LHCGR: variants seen among roughly 807,000 people sequenced by gnomAD.
LHCGR encodes luteinizing hormone/choriogonadotropin receptor.
A neutral mutation model predicts 60.7 loss-of-function variants in LHCGR; 55 were observed. The observed-to-expected ratio is 0.91, with a 90% CI of 0.73 to 1.13. The LOEUF (loss-of-function observed/expected upper bound fraction) is 1.13, where lower values mean the gene tolerates loss of function less well. LHCGR is among the 50% of genes most tolerant of loss of function. The pLI is 0.00. For synonymous variants in LHCGR, 337 were observed against 316.5 expected, an observed-to-expected ratio of 1.06 and a Z score of -0.69; for missense variants, 862 against 836.0, an observed-to-expected ratio of 1.03 and a Z score of -0.38.
intron 7 of LHCGR, among the ~76,000 whole-genome samples, chr2:48,711,473 T>A (rs748743945): frequency 6.6e-6 from 1 of 152,198 alleles, no homozygotes; most frequent in Non-Finnish European, 1.5e-5. Flanking sequence ...AACTGACTCA[T>A]GTTCTTGATT....
rs193031451 is a variant in LHCGR, at chr2:48,713,818, G to A, written c.605+168C>T. On this transcript the variant is annotated intron_variant, in intron 7 of 10. Coordinates refer to ENST00000294954, the MANE Select transcript of LHCGR (RefSeq NM_000233.4). ...TCTGTCTTTGAAATCAGGGTGCTCT[G>A]GGGTTTCTAGCCAGCCAGTTGCCTA... Among the ~76,000 whole-genome samples the A allele has an allele frequency of 3.9e-4, 59 of 152,244 alleles. No individual in the cohort carries two copies. In the South Asian group the frequency reaches 0.011, roughly 29 times the overall value.
chr2:48,696,757 G>A (rs1436922352), intron 9 of LHCGR, among the ~76,000 whole-genome samples: 1 of 152,164 alleles, frequency 6.6e-6, no homozygotes, highest in East Asian at 1.9e-4. Flanking sequence ...ATACTTATGA[G>A]ACAATTCCTT....
chr2:48,732,462 C>A (rs1404905923), intron 1 of LHCGR, among the ~76,000 whole-genome samples: 2 of 152,212 alleles, frequency 1.3e-5, no homozygotes, highest in East Asian at 3.9e-4. Context: ...TTGTAAGCTA[C>A]TATGTGAGTT....
At chr2:48,729,355 A>T (rs1031386306) in intron 2 of LHCGR, 128 bp from the exon 3 acceptor site, 2 of 763,062 alleles carry the variant, frequency 2.6e-6, no homozygotes, top group Non-Finnish European at 2.3e-6. Context: ...AAGAACAAAG[A>T]TGTGCAAGTT....
intron 8 of LHCGR, among the ~76,000 whole-genome samples, chr2:48,704,906 C>T (rs892219956): frequency 2.6e-5 from 4 of 152,066 alleles, no homozygotes; most frequent in African/African-American, 7.2e-5. Context: ...CTGCTCTGAT[C>T]CTAGTTATTT....
At chr2:48,737,301 T>C (rs959464976) in intron 1 of LHCGR, among the ~76,000 whole-genome samples, 9 of 152,226 alleles carry the variant, frequency 5.9e-5, no homozygotes, top group Non-Finnish European at 1.2e-4. Context: ...TCTAAAACAC[T>C]ACAAAATCAG....
At chr2:48,710,150 A>T (rs943362936) in intron 7 of LHCGR, among the ~76,000 whole-genome samples, 1 of 152,122 alleles carries the variant, frequency 6.6e-6, no homozygotes, top group Non-Finnish European at 1.5e-5. Context: ...CATTTCTACT[A>T]AGCATTTTCT....
intron 8 of LHCGR, among the ~76,000 whole-genome samples, chr2:48,701,155 C>G (rs1172984715): frequency 6.6e-6 from 1 of 152,100 alleles, no homozygotes; most frequent in East Asian, 1.9e-4. Flanking sequence ...AGGAAGTAGA[C>G]AGACTTTGGG....
chr2:48,714,795 A>G (rs576834399), intron 6 of LHCGR, among the ~76,000 whole-genome samples: 17 of 152,254 alleles, frequency 1.1e-4, no homozygotes, highest in Admixed American at 6.5e-4. Context: ...AGAATAAGAC[A>G]TAAGAGGATC....
chr2:48,736,658 C>T (rs895429787), intron 1 of LHCGR, among the ~76,000 whole-genome samples: 2 of 152,048 alleles, frequency 1.3e-5, no homozygotes, highest in Non-Finnish European at 2.9e-5. Flanking sequence ...AGTAATGTTA[C>T]CTGGAGAGCT....
chr2:48,749,360 G>A (rs1669852456), intron 1 of LHCGR, among the ~76,000 whole-genome samples: 2 of 152,170 alleles, frequency 1.3e-5, no homozygotes, highest in South Asian at 2.1e-4. Context: ...AAAAAGCTGG[G>A]TGGGAATTTG....
intron 8 of LHCGR, among the ~76,000 whole-genome samples, chr2:48,706,438 C>T (rs1667677732): frequency 6.6e-6 from 1 of 152,156 alleles, no homozygotes; most frequent in African/African-American, 2.4e-5. Flanking sequence ...TGAATGTTGG[C>T]CTGCCTTGCT....
chr2:48,688,651 A>G lies in LHCGR; in HGVS notation c.1146T>C (p.Phe382=). 6.2e-7 allele frequency: 1 copy of G among 1,614,208 alleles called. No individual in the cohort carries two copies. Among genetic ancestry groups the G allele is most frequent in the Non-Finnish European group, 8.5e-7 (1 of 1,180,024 alleles). The change falls in exon 11 of 11, where the codon TTT becomes TTC. Residue 382 remains phenylalanine (F), a synonymous_variant. Coordinates refer to ENST00000294954, the MANE Select transcript of LHCGR (RefSeq NM_000233.4). This position sits in a 1 kb window ranked among gnomAD's most constrained non-coding sequence, Gnocchi z 5.2. ...GTTTGTAACGACTTGTCAGGAGAAC[A>G]AAAAGAACAGTCATGTTTCCCATGA... ...LAIMGNMTVL[F]VLLTSRYKLT... is the part of the protein sequence containing the mutation.
chr2:48,742,758 C>T (rs892990864), intron 1 of LHCGR, among the ~76,000 whole-genome samples: 10 of 152,052 alleles, frequency 6.6e-5, no homozygotes, highest in African/African-American at 2.4e-4. Flanking sequence ...CCAAAATTGA[C>T]ACCCTAACAT....
At position 48,703,301 on chromosome 2, in the gene LHCGR, G is replaced by C. The variant is rs189829492; in HGVS notation, c.681-4501C>G. Among the ~76,000 whole-genome samples the C allele has an allele frequency of 1.1e-4, 16 of 152,198 alleles. No homozygotes were observed. The East Asian group carries it at 3.1e-3, about 29-fold the overall frequency. On this transcript the variant is annotated intron_variant, in intron 8 of 10. Transcript: ENST00000294954. ...AATTAGATCTCATTTGTCAATTTTG[G>C]CTTTTGTTGCCATTGCTTTTGGTGT...
At chr2:48,721,333 T>C (rs1458724686) in intron 6 of LHCGR, 2 of 186,350 alleles carry the variant, frequency 1.1e-5, no homozygotes, top group African/African-American at 4.7e-5. Context: ...GAAAACACTT[T>C]ATAAGCAGCC....
In LHCGR at chr2:48,688,268, T is replaced by A. The variant is rs1038510067; in HGVS notation, c.1529A>T (p.Lys510Met). 1 of 1,613,938 alleles carries A rather than the reference T, an allele frequency of 6.2e-7. No individual in the cohort carries two copies. Residue 510 changes from lysine (K) to methionine (M), a missense_variant, in exon 11 of 11, where the codon AAG becomes ATG. By Grantham distance (95) the Lys-to-Met change is moderately conservative (BLOSUM62 -1). Coordinates refer to ENST00000294954, the MANE Select transcript of LHCGR (RefSeq NM_000233.4). This position sits in a 1 kb window ranked among gnomAD's most constrained non-coding sequence, Gnocchi z 5.2. ...ATCCATGGGGAAGCAAATACTGACCTTCATGTAATTGCTGACACCGACAAG... is the reference window on the plus strand; with the variant it reads ...ATCCATGGGGAAGCAAATACTGACCATCATGTAATTGCTGACACCGACAAG... ...LPLVGVSNYM[K>M]VSICFPMDVE...
At chr2:48,740,428 A>T (rs1300945630) in intron 1 of LHCGR, among the ~76,000 whole-genome samples, 1 of 152,216 alleles carries the variant, frequency 6.6e-6, no homozygotes, top group Non-Finnish European at 1.5e-5. Context: ...ACCTCTGCAG[A>T]CTTAAATGTC....
chr2:48,730,916 G>A (rs1276248405), intron 2 of LHCGR, among the ~76,000 whole-genome samples: 1 of 152,062 alleles, frequency 6.6e-6, no homozygotes, highest in Non-Finnish European at 1.5e-5. Context: ...GGGAATAGCT[G>A]CTCTAGCAGA....
Sources: gnomAD v4.1 joint callset for allele counts (sites outside exome capture counted in the v4.1 genomes callset) on GRCh38, gnomAD v4.1.1 for gene constraint, Gnocchi (gnomAD v3.1) non-coding constraint, MANE v1.5 for transcripts, NCBI Gene and HGNC (gene_info 2026-07-23, HGNC 2026-07-21) for gene names.